PLCG2: variants seen among roughly 807,000 people sequenced by gnomAD.
The protein encoded by PLCG2 is phospholipase C gamma 2.
In PLCG2, 69 loss-of-function variants were observed where a neutral mutation model predicts 175.6. The observed-to-expected ratio is 0.39, with a 90% CI of 0.32 to 0.48. PLCG2 has a LOEUF of 0.48. Among genes scored for constraint, PLCG2 ranks in the 20% least tolerant of loss-of-function variants. The pLI, the probability that PLCG2 is intolerant of heterozygous loss-of-function variation, is 0.91. For synonymous variants in PLCG2, 827 were observed against 624.0 expected (o/e 1.33, Z -4.85); for missense variants, 1,798 against 1,650.9 (o/e 1.09, Z -1.54).
intron 2 of PLCG2, among the ~76,000 whole-genome samples, chr16:81,788,130 A>T (rs190216072): frequency 6.6e-6 from 1 of 152,306 alleles, no homozygotes; most frequent in East Asian, 1.9e-4. Flanking sequence ...TCATCATTTT[A>T]GGAACTGTCA....
At chr16:81,876,169 G>A (rs1365128366) in intron 7 of PLCG2, among the ~76,000 whole-genome samples, 1 of 151,850 alleles carries the variant, frequency 6.6e-6, no homozygotes, top group Non-Finnish European at 1.5e-5. Context: ...GGGACCACAG[G>A]CGTGTGCCAC....
chr16:81,746,293 G>C (rs200368358), intron 1 of PLCG2, among the ~76,000 whole-genome samples: 1 of 152,202 alleles, frequency 6.6e-6, no homozygotes, highest in South Asian at 2.1e-4. Flanking sequence ...GCCACTGGCA[G>C]GGTGCCTTGA....
chr16:81,855,374 G>T (rs1906632158), intron 3 of PLCG2, among the ~76,000 whole-genome samples: 1 of 152,116 alleles, frequency 6.6e-6, no homozygotes, highest in African/African-American at 2.4e-5. Flanking sequence ...TTCAGTCCTA[G>T]AATTTATTGA....
chr16:81,849,225 G>GTAC (rs1906274464), intron 2 of PLCG2, among the ~76,000 whole-genome samples: 2 of 152,256 alleles, frequency 1.3e-5, no homozygotes, highest in South Asian at 4.1e-4. Flanking sequence ...TGGGGATAAC[G>GTAC]TACTGCTTTA....
intron 2 of PLCG2, among the ~76,000 whole-genome samples, chr16:81,848,277 G>A (rs1246085285): frequency 6.6e-6 from 1 of 152,198 alleles, no homozygotes; most frequent in African/African-American, 2.4e-5. Flanking sequence ...ACTTGTCTTG[G>A]GAAGAAGCAA....
chr16:81,947,206 A>T (rs1039286244), intron 31 of PLCG2, among the ~76,000 whole-genome samples: 1 of 152,194 alleles, frequency 6.6e-6, no homozygotes, highest in Non-Finnish European at 1.5e-5. Flanking sequence ...AATTGTGTTG[A>T]TGCAGATTTG....
At chr16:81,900,183 A>G (rs926567350) in intron 13 of PLCG2, among the ~76,000 whole-genome samples, 1 of 152,276 alleles carries the variant, frequency 6.6e-6, no homozygotes, top group African/African-American at 2.4e-5. Flanking sequence ...AGAGGAAGTA[A>G]TAAACATACT....
chr16:81,786,928 A>G (rs1357567412), intron 2 of PLCG2, among the ~76,000 whole-genome samples: 1 of 152,238 alleles, frequency 6.6e-6, no homozygotes, highest in Non-Finnish European at 1.5e-5. Flanking sequence ...CAAGCTCATT[A>G]CCAGTTACTT....
At chr16:81,814,790 T>C (rs1904466318) in intron 2 of PLCG2, among the ~76,000 whole-genome samples, 1 of 152,206 alleles carries the variant, frequency 6.6e-6, no homozygotes, top group Non-Finnish European at 1.5e-5. Context: ...GTTCCCTTGC[T>C]GTGTGACCAC....
At chr16:81,944,055 A>T (rs1911058196) in intron 30 of PLCG2, among the ~76,000 whole-genome samples, 1 of 152,252 alleles carries the variant, frequency 6.6e-6, no homozygotes, top group South Asian at 2.1e-4. Flanking sequence ...GCATCCAGCC[A>T]TTAAAAAATA....
rs749600553 is a variant in PLCG2 at position 81,923,429 on chromosome 16, G to C, written c.2308-56G>C. 5 of 1,080,156 alleles carry C rather than the reference G, an allele frequency of 4.6e-6. No individual in the cohort carries two copies. In the African/African-American group the frequency reaches 7.7e-5, roughly 17 times the overall value. 66.9% of individuals were successfully genotyped at this position (1,080,156 alleles called of 1,614,324 possible). ...CCAAATGGTACCTGGGAACGCAGCC[G>C]CCTCCCTCCCCTCCTGTCCCTGGCC... On this transcript the variant is annotated intron_variant, in intron 21 of 32. Transcript: ENST00000564138.
chr16:81,762,483 C>A lies in PLCG2; in HGVS notation c.-48+6517C>A, dbSNP rs1034997669. On this transcript the variant is annotated intron_variant, in intron 2 of 5. Transcript: ENST00000565054. ...ACTCGGGAGGCTGAGGCATGAGAATCGCTTGATCCTGGTAGGTGGAGGTTA... is the reference window on the plus strand; with the variant it reads ...ACTCGGGAGGCTGAGGCATGAGAATAGCTTGATCCTGGTAGGTGGAGGTTA... Among the ~76,000 whole-genome samples, 9 of 151,802 alleles carry A rather than the reference C, an allele frequency of 5.9e-5. No homozygotes were observed. In the South Asian group the frequency reaches 1.5e-3, roughly 25 times the overall value.
intron 1 of PLCG2, among the ~76,000 whole-genome samples, chr16:81,748,970 G>A (rs1036141942): frequency 2.0e-5 from 3 of 152,200 alleles, no homozygotes; most frequent in Non-Finnish European, 4.4e-5. Context: ...TCCAGGCACT[G>A]AGGCCTGTGG....
chr16:81,843,560 G>T (rs74029252), intron 2 of PLCG2, among the ~76,000 whole-genome samples: 1 of 151,958 alleles, frequency 6.6e-6, no homozygotes, highest in Admixed American at 6.6e-5. Flanking sequence ...AATATTTTTC[G>T]CGTGAATACA....
chr16:81,955,347 A>G lies in PLCG2; in HGVS notation c.3571-1348A>G, dbSNP rs1426096610. 2.0e-5 allele frequency among the ~76,000 whole-genome samples: 3 copies of G among 152,206 alleles called. No individual in the cohort carries two copies. The South Asian group carries it at 6.2e-4, about 31-fold the overall frequency. On this transcript the variant is annotated intron_variant, in intron 31 of 32. Transcript: ENST00000564138. The stretch of plus-strand genomic sequence containing the variant: ...ACCTCAACAGATGTTTTTGTAGCAC[A>G]GGAGTCTTTCACTTGAACTCCATCG...
At chr16:81,761,414 A>G (rs1444176937) in intron 2 of PLCG2, among the ~76,000 whole-genome samples, 3 of 152,196 alleles carry the variant, frequency 2.0e-5, no homozygotes, top group Non-Finnish European at 4.4e-5. Context: ...GTGTATTGTA[A>G]TTATGAAAGT....
chr16:81,897,889 T>C (rs1036217903), intron 13 of PLCG2: 7 of 455,084 alleles, frequency 1.5e-5, no homozygotes, highest in Non-Finnish European at 2.6e-5. Flanking sequence ...TCCCTTGAGC[T>C]GGGTGGAGGT....
At chr16:81,864,996 C>T (rs777795271) in intron 5 of PLCG2, among the ~76,000 whole-genome samples, 8 of 152,002 alleles carry the variant, frequency 5.3e-5, no homozygotes, top group East Asian at 1.9e-4. Context: ...TGATCTGAGA[C>T]GCAGGTTTGT....
At chr16:81,742,231 A>G (rs1909611619) in intron 1 of PLCG2, among the ~76,000 whole-genome samples, 1 of 151,774 alleles carries the variant, frequency 6.6e-6, no homozygotes, top group East Asian at 1.9e-4. Flanking sequence ...TAGAGAGTCC[A>G]TTACTCCGAG....
Sources: allele counts gnomAD v4.1 joint callset (sites outside exome capture counted in the v4.1 genomes callset), GRCh38; gene constraint gnomAD v4.1.1; transcripts MANE v1.5; gene names NCBI Gene and HGNC (gene_info 2026-07-23, HGNC 2026-07-21).